Variants in LINGO2 observed in about 807,000 individuals in gnomAD.
LINGO2 encodes the protein leucine rich repeat and Ig domain containing 2.
Under a neutral mutation model 30.6 loss-of-function variants are expected in LINGO2, and 14 were observed. The observed-to-expected ratio is 0.46, with a 90% CI of 0.30 to 0.72. The LOEUF (loss-of-function observed/expected upper bound fraction) is 0.72, where lower values mean the gene tolerates loss of function less well. Ranked by LOEUF, LINGO2 falls within the 30% of genes least tolerant of loss-of-function variation. LINGO2 has a pLI of 0.07. For synonymous variants in LINGO2, 317 were observed against 288.5 expected (o/e 1.10, Z -1.00); for missense variants, 729 against 751.7 (o/e 0.97, Z 0.35).
chr9:28,142,955 A>C (rs1427750060), intron 4 of LINGO2, among the ~76,000 whole-genome samples: 1 of 152,156 alleles, frequency 6.6e-6, no homozygotes. Flanking sequence ...ATGCTGGTCT[A>C]TGGGGAGTTT....
At chr9:28,009,851 C>T (rs1822466931) in intron 5 of LINGO2, among the ~76,000 whole-genome samples, 2 of 152,104 alleles carry the variant, frequency 1.3e-5, no homozygotes, top group South Asian at 4.1e-4. Flanking sequence ...CCACATAACC[C>T]AGCACTTCTA....
At chr9:28,045,916 G>C (rs1437658838) in intron 4 of LINGO2, among the ~76,000 whole-genome samples, 1 of 152,146 alleles carries the variant, frequency 6.6e-6, no homozygotes, top group Non-Finnish European at 1.5e-5. Flanking sequence ...AATTCAGTTT[G>C]ATGATGATGA....
chr9:28,855,707 A>G, the LINGO2 span, among the ~76,000 whole-genome samples: 3 of 152,036 alleles, frequency 2.0e-5, no homozygotes, highest in South Asian at 6.2e-4. Context: ...TTATCCCTTC[A>G]TGAGAGTAAA....
chr9:29,016,197 G>C, the LINGO2 span, among the ~76,000 whole-genome samples: 1 of 152,074 alleles, frequency 6.6e-6, no homozygotes, highest in African/African-American at 2.4e-5. Context: ...CTTCTTTTCA[G>C]TGTTTGAAAC....
intron 5 of LINGO2, among the ~76,000 whole-genome samples, chr9:28,009,667 T>G (rs1356567224): frequency 6.6e-6 from 1 of 152,176 alleles, no homozygotes; most frequent in Non-Finnish European, 1.5e-5. Flanking sequence ...AATGAAATAC[T>G]ACTTCACATC....
chr9:28,634,730 C>A (rs2008362), intron 1 of LINGO2, among the ~76,000 whole-genome samples: 38,417 of 151,792 alleles, frequency 0.25, 5,253 homozygotes, highest in African/African-American at 0.36. Flanking sequence ...AAGTGATCTG[C>A]CCACCTTGGC....
the LINGO2 span, among the ~76,000 whole-genome samples, chr9:28,850,011 C>G: frequency 6.6e-6 from 1 of 152,020 alleles, no homozygotes; most frequent in Non-Finnish European, 1.5e-5. Context: ...AATTTAGTAA[C>G]TGCTTACTGA....
the LINGO2 span, among the ~76,000 whole-genome samples, chr9:28,995,186 A>T: frequency 3.6e-3 from 555 of 152,310 alleles, 2 homozygotes; most frequent in African/African-American, 0.013. Flanking sequence ...AAAAACAAAC[A>T]ACCCCATCAA....
intron 3 of LINGO2, among the ~76,000 whole-genome samples, chr9:28,351,638 T>C (rs1201339369): frequency 6.8e-6 from 1 of 146,166 alleles, no homozygotes; most frequent in Non-Finnish European, 1.5e-5. Flanking sequence ...GAATCCTCCC[T>C]AACTCATTTT....
rs550266683 is a variant in LINGO2, at chr9:28,148,488, C to T, written c.-86-136083G>A. 6 of 1,442,834 alleles carry T rather than the reference C, an allele frequency of 4.2e-6. No individual in the cohort carries two copies. In the South Asian group the frequency reaches 6.1e-5, roughly 15 times the overall value. The allele number at this position is 1,442,834 out of a possible 1,614,324, so 89.4% of individuals were successfully genotyped here. A position where few individuals can be genotyped will look rare whatever the true frequency, so the allele number is the denominator to read the frequency against. On this transcript the variant is annotated intron_variant, in intron 4 of 5. Transcript: ENST00000379992. This position sits in a 1 kb window ranked among gnomAD's most constrained non-coding sequence, Gnocchi z 5.1. ...ACGGAGGTGACAGACCAGGTAGAGACCCAGGGGCAGGAGGACAATAAAAGG... is the reference window on the plus strand; with the variant it reads ...ACGGAGGTGACAGACCAGGTAGAGATCCAGGGGCAGGAGGACAATAAAAGG...
chr9:28,228,451 T>C (rs1295302962), intron 4 of LINGO2, among the ~76,000 whole-genome samples: 1 of 152,072 alleles, frequency 6.6e-6, no homozygotes, highest in African/African-American at 2.4e-5. Flanking sequence ...TTTCTTCCTT[T>C]GGTTTAAGTA....
intron 1 of LINGO2, among the ~76,000 whole-genome samples, chr9:28,504,419 G>A (rs1820017797): frequency 6.6e-6 from 1 of 151,564 alleles, no homozygotes; most frequent in Non-Finnish European, 1.5e-5. Context: ...GCTTCACAAG[G>A]GGCCGATTTC....
intron 4 of LINGO2, among the ~76,000 whole-genome samples, chr9:28,248,380 T>C (rs2134000324): frequency 6.6e-6 from 1 of 152,294 alleles, no homozygotes; most frequent in South Asian, 2.1e-4. Flanking sequence ...TGCATGTTTT[T>C]ACTCATTTGT....
chr9:28,737,337 T>C, the LINGO2 span, among the ~76,000 whole-genome samples: 1 of 152,072 alleles, frequency 6.6e-6, no homozygotes, highest in African/African-American at 2.4e-5. Flanking sequence ...CCAGAGAACA[T>C]AACAAGGAGC....
intron 3 of LINGO2, among the ~76,000 whole-genome samples, chr9:28,371,014 A>G (rs1472401006): frequency 6.6e-6 from 1 of 152,210 alleles, no homozygotes; most frequent in African/African-American, 2.4e-5. Flanking sequence ...CATAGAGTGC[A>G]CGTAAATGGA....
chr9:29,059,784 T>C, the LINGO2 span, among the ~76,000 whole-genome samples: 26 of 152,160 alleles, frequency 1.7e-4, no homozygotes, highest in East Asian at 4.8e-3. Context: ...CAAAAAGTAT[T>C]TGTGACTTTG....
intron 5 of LINGO2, among the ~76,000 whole-genome samples, chr9:28,003,338 G>GATAT (rs147286017): frequency 0.071 from 9,531 of 133,866 alleles, 415 homozygotes; most frequent in Middle Eastern, 0.13. Context: ...TAGATATATA[G>GATAT]ATATATAGAT....
intron 4 of LINGO2, among the ~76,000 whole-genome samples, chr9:28,103,701 T>A (rs1448250878): frequency 6.6e-6 from 1 of 152,180 alleles, no homozygotes; most frequent in Non-Finnish European, 1.5e-5. Flanking sequence ...AAATAATTGT[T>A]GTTTTACTTC....
intron 2 of LINGO2, among the ~76,000 whole-genome samples, chr9:28,382,509 A>G (rs1212434727): frequency 2.0e-5 from 3 of 152,170 alleles, no homozygotes; most frequent in Non-Finnish European, 4.4e-5. Context: ...CTGAACAGCA[A>G]TTAAACACAT....
Sources: gnomAD v4.1 joint callset for allele counts (sites outside exome capture counted in the v4.1 genomes callset) on GRCh38, gnomAD v4.1.1 for gene constraint, Gnocchi (gnomAD v3.1) non-coding constraint, MANE v1.5 for transcripts, NCBI Gene and HGNC (gene_info 2026-07-23, HGNC 2026-07-21) for gene names.